The following NME7 variants were observed in gnomAD, a reference collection of about 807,000 sequenced individuals.
The protein encoded by NME7 is nucleoside diphosphate kinase 7.
In NME7, 41 loss-of-function variants were observed where a neutral mutation model predicts 49.1. That is an observed-to-expected ratio of 0.83 (90% CI 0.65 to 1.08). The LOEUF is 1.08. Among genes scored for constraint, NME7 ranks in the 50% least tolerant of loss-of-function variants. NME7 has a pLI of 0.00. For missense variants in NME7, 423 were observed against 463.4 expected, an observed-to-expected ratio of 0.91 and a Z score of 0.80; for synonymous variants, 139 against 150.6, an observed-to-expected ratio of 0.92 and a Z score of 0.56.
intron 7 of NME7, among the ~76,000 whole-genome samples, chr1:169,280,233 A>G (rs1459130697): frequency 6.6e-6 from 1 of 152,074 alleles, no homozygotes. Context: ...GCATTTTTTC[A>G]TATGTCTGTT....
chr1:169,366,290 A>C (rs1239698976), intron 1 of NME7, among the ~76,000 whole-genome samples: 1 of 152,236 alleles, frequency 6.6e-6, no homozygotes, highest in Non-Finnish European at 1.5e-5. Context: ...TTTGGTATTT[A>C]AAAGGCCATT....
chr1:169,276,819 C>A (rs201542305), intron 7 of NME7, among the ~76,000 whole-genome samples: 1 of 128,532 alleles, frequency 7.8e-6, no homozygotes, highest in African/African-American at 2.6e-5. Flanking sequence ...TCTCTTGTGG[C>A]CATTTAGTGC....
chr1:169,286,325 T>C (rs1254714898), intron 7 of NME7: 4 of 152,132 alleles, frequency 2.6e-5, no homozygotes, highest in African/African-American at 9.7e-5. Flanking sequence ...ACTATATACA[T>C]GGATTACTTG....
At chr1:169,337,043 G>A (rs888008698) in intron 1 of NME7, among the ~76,000 whole-genome samples, 1 of 152,242 alleles carries the variant, frequency 6.6e-6, no homozygotes, top group Admixed American at 6.5e-5. Flanking sequence ...GCTGCAGGTG[G>A]AGCTGCCTGC....
intron 11 of NME7, among the ~76,000 whole-genome samples, chr1:169,146,853 G>C (rs12086231): frequency 6.6e-6 from 1 of 152,214 alleles, no homozygotes; most frequent in Non-Finnish European, 1.5e-5. Context: ...TATGTTAACA[G>C]AAGTATGTAT....
intron 1 of NME7, among the ~76,000 whole-genome samples, chr1:169,353,511 C>G (rs929596039): frequency 1.1e-4 from 16 of 152,002 alleles, no homozygotes; most frequent in African/African-American, 3.9e-4. Flanking sequence ...TGACCACCAC[C>G]ACACAGGCAC....
At chr1:169,296,402 AT>A (rs1650707391) in intron 6 of NME7, among the ~76,000 whole-genome samples, 1 of 152,062 alleles carries the variant, frequency 6.6e-6, no homozygotes, top group Admixed American at 6.6e-5. Context: ...GGACATAATT[AT>A]CTCTCAGTTT....
chr1:169,276,728 G>A (rs2101881500), intron 7 of NME7, among the ~76,000 whole-genome samples: 1 of 132,790 alleles, frequency 7.5e-6, no homozygotes, highest in South Asian at 2.4e-4. Context: ...CCTTCTGCTA[G>A]CTTTTGAATG....
intron 7 of NME7, among the ~76,000 whole-genome samples, chr1:169,248,875 A>C (rs1164836570): frequency 7.5e-6 from 1 of 133,902 alleles, no homozygotes; most frequent in Middle Eastern, 3.9e-3. Context: ...TTGTAACTAC[A>C]GCCTTGTGGC....
intron 1 of NME7, among the ~76,000 whole-genome samples, chr1:169,327,519 C>T (rs1652102610): frequency 6.6e-6 from 1 of 152,094 alleles, no homozygotes; most frequent in Non-Finnish European, 1.5e-5. Flanking sequence ...TATTATTATA[C>T]CCAGAAGCCT....
intron 7 of NME7, among the ~76,000 whole-genome samples, chr1:169,254,519 T>G (rs1162787056): frequency 6.7e-6 from 1 of 150,064 alleles, no homozygotes; most frequent in South Asian, 2.1e-4. Context: ...AACCAGCTCC[T>G]GGATTCATTA....
At chr1:169,240,831 A>T (rs189168338) in intron 7 of NME7, among the ~76,000 whole-genome samples, 20 of 152,178 alleles carry the variant, frequency 1.3e-4, no homozygotes, top group Non-Finnish European at 2.4e-4. Context: ...GAAAGTGGTG[A>T]ATACAGTTTT....
At chr1:169,278,792 GT>G (rs1343926263) in intron 7 of NME7, among the ~76,000 whole-genome samples, 3 of 152,240 alleles carry the variant, frequency 2.0e-5, no homozygotes, top group African/African-American at 2.4e-5. Context: ...TTTCTGCTGT[GT>G]TTTTTCCCCA....
chr1:169,273,911 G>A lies in NME7; in HGVS notation c.754+13392C>T, dbSNP rs1360640356. Among the ~76,000 whole-genome samples the A allele has an allele frequency of 3.9e-5, 5 of 128,794 alleles. 1 individual carries two copies. Among genetic ancestry groups the A allele is most frequent in the South Asian group, 2.5e-4 (1 of 4,070 alleles). The allele number at this position is 128,794 out of a possible 152,430, so 84.5% of individuals were successfully genotyped here. ...AGTCTTTGCTATTGTGAATAGTGCC[G>A]CAATAAACATACGTGTGCATGTGTC... is the stretch of plus-strand genomic sequence containing the variant. On this transcript the variant is annotated intron_variant, in intron 7 of 11. Transcript: ENST00000367811.
chr1:169,315,146 T>G (rs748904851), intron 3 of NME7, among the ~76,000 whole-genome samples: 3 of 152,158 alleles, frequency 2.0e-5, no homozygotes, highest in Non-Finnish European at 2.9e-5. Flanking sequence ...GCCCAAAAAT[T>G]AGTAAATATG....
intron 3 of NME7, among the ~76,000 whole-genome samples, chr1:169,315,592 A>G (rs979329470): frequency 6.6e-6 from 1 of 152,140 alleles, no homozygotes; most frequent in Non-Finnish European, 1.5e-5. Flanking sequence ...ACACACATAG[A>G]TCATTAATAA....
At chr1:169,320,735 A>G (rs895065383) in intron 3 of NME7, among the ~76,000 whole-genome samples, 3 of 152,232 alleles carry the variant, frequency 2.0e-5, no homozygotes, top group African/African-American at 4.8e-5. Context: ...TGGTGAATCA[A>G]TTTGAGTCAG....
intron 7 of NME7, among the ~76,000 whole-genome samples, chr1:169,282,958 A>G (rs1650086154): frequency 6.6e-6 from 1 of 152,168 alleles, no homozygotes; most frequent in African/African-American, 2.4e-5. Context: ...GAGGTCTATT[A>G]GGTCTGCTTG....
intron 10 of NME7, among the ~76,000 whole-genome samples, chr1:169,212,604 T>C (rs1197821478): frequency 1.3e-5 from 2 of 149,962 alleles, no homozygotes; most frequent in African/African-American, 4.9e-5. Flanking sequence ...ATGTCCTTTT[T>C]TTTTTTTTTT....
Sources: gnomAD v4.1 joint callset for allele counts (sites outside exome capture counted in the v4.1 genomes callset) on GRCh38, gnomAD v4.1.1 for gene constraint, MANE v1.5 for transcripts, NCBI Gene and HGNC (gene_info 2026-07-23, HGNC 2026-07-21) for gene names.